TACC2: variants seen among roughly 807,000 people sequenced by gnomAD.
TACC2 encodes transforming acidic coiled-coil containing protein 2.
TACC2 carries 137 observed loss-of-function variants against 227.3 expected under a neutral mutation model. The ratio of observed to expected loss-of-function variants is 0.60; its 90% confidence interval spans 0.52 to 0.69. TACC2 has a LOEUF of 0.69. TACC2 is among the 30% of genes least tolerant of loss of function. TACC2 has a pLI of 0.00. For synonymous variants in TACC2, 1,523 were observed against 1,487.5 expected (o/e 1.02, Z -0.55); for missense variants, 3,470 against 3,694.4 (o/e 0.94, Z 1.57).
chr10:122,132,032 A>AAAAGAAAG (rs1555058736), intron 5 of TACC2, among the ~76,000 whole-genome samples: 2 of 30,310 alleles, frequency 6.6e-5, no homozygotes, highest in African/African-American at 1.7e-4. Flanking sequence ...AAAAGAAAGA[A>AAAAGAAAG]AAAGAAAGAA....
In TACC2 at chr10:122,050,586, A is replaced by T; in HGVS notation, c.146+36A>T. ...AGCTCTGGAGGACTGATGCAGCCCAAGGACTGCCCCGCTCATTGCCTGCTC... is the reference window on the plus strand; with the variant it reads ...AGCTCTGGAGGACTGATGCAGCCCATGGACTGCCCCGCTCATTGCCTGCTC... On this transcript the variant is annotated intron_variant, in intron 3 of 22. Transcript: ENST00000369005. The surrounding 1 kb of genome is among the most constrained non-coding windows in gnomAD (Gnocchi z 4.6). 2 of 1,522,006 alleles carry T rather than the reference A, an allele frequency of 1.3e-6. No individual in the cohort carries two copies. Among genetic ancestry groups the T allele is most frequent in the Non-Finnish European group, 1.8e-6 (2 of 1,098,432 alleles). 94.3% of individuals were successfully genotyped at this position (1,522,006 alleles called of 1,614,324 possible).
At chr10:122,206,348 A>C (rs534477546) in intron 8 of TACC2, among the ~76,000 whole-genome samples, 5 of 152,272 alleles carry the variant, frequency 3.3e-5, no homozygotes, top group African/African-American at 1.2e-4. Context: ...GTGGCCTCCA[A>C]TGTTTGTATG....
intron 15 of TACC2, among the ~76,000 whole-genome samples, chr10:122,230,127 A>G (rs938331743): frequency 6.6e-6 from 1 of 152,250 alleles, no homozygotes; most frequent in Non-Finnish European, 1.5e-5. Context: ...ATTCAACTGC[A>G]CAATACTTCC....
rs555980870 is a variant in TACC2, at chr10:122,141,197, A to G, written c.5700-2375A>G. 2.8e-4 allele frequency among the ~76,000 whole-genome samples: 43 copies of G among 152,136 alleles called. No individual in the cohort carries two copies. In the South Asian group the frequency reaches 3.7e-3, roughly 13 times the overall value. ...AGGAGGAGGAGGGTCAGGAGGGAAG[A>G]GGAGAAGTTCTGTTGGGCCCAGGAG... On this transcript the variant is annotated intron_variant, in intron 6 of 22. Transcript: ENST00000369005. This position sits in a 1 kb window ranked among gnomAD's most constrained non-coding sequence, Gnocchi z 4.3.
intron 7 of TACC2, among the ~76,000 whole-genome samples, chr10:122,178,619 C>T (rs951705901): frequency 6.6e-6 from 1 of 152,144 alleles, no homozygotes; most frequent in Non-Finnish European, 1.5e-5. Context: ...CGCAGTGGCT[C>T]ACGCCTGTAA....
intron 1 of TACC2, among the ~76,000 whole-genome samples, chr10:122,008,246 G>GTTATTATTATTATTATTATTA (rs1554958021): frequency 8.0e-5 from 9 of 111,846 alleles, no homozygotes; most frequent in African/African-American, 2.9e-4. Flanking sequence ...CTATCCCTTT[G>GTTATTATTATTATTATTATTA]TTATTATTAT....
Position 122,193,287 on chromosome 10 carries a change from T to C in TACC2, c.5835-1753T>C, listed in dbSNP as rs944790557. Reference sequence around the variant, plus strand: ...CAAGGGTGCTGATGAAGTAAGTCACTGACAAACTAGTTGTAAAAGCATTGA... The same window carrying C: ...CAAGGGTGCTGATGAAGTAAGTCACCGACAAACTAGTTGTAAAAGCATTGA... On this transcript the variant is annotated intron_variant, in intron 7 of 22. Coordinates refer to ENST00000369005, the MANE Select transcript of TACC2 (RefSeq NM_206862.4). 1.1e-4 allele frequency among the ~76,000 whole-genome samples: 17 copies of C among 152,334 alleles called. 1 individual carries two copies. Among genetic ancestry groups the C allele is most frequent in the Admixed American group, 9.8e-4 (15 of 15,304 alleles).
At chr10:122,154,409 ATAGTT>A (rs1317251655) in intron 7 of TACC2, among the ~76,000 whole-genome samples, 2 of 152,238 alleles carry the variant, frequency 1.3e-5, no homozygotes, top group Non-Finnish European at 2.9e-5. Flanking sequence ...TCCTGGAGTA[ATAGTT>A]TAAAGATACG....
intron 7 of TACC2, among the ~76,000 whole-genome samples, chr10:122,190,485 T>G (rs2094371591): frequency 6.6e-6 from 1 of 152,160 alleles, no homozygotes; most frequent in Non-Finnish European, 1.5e-5. Flanking sequence ...GGGTCCTGTT[T>G]TCGTGGCCAG....
chr10:122,055,659 G>T lies in TACC2; in HGVS notation c.146+5109G>T, dbSNP rs115343644. Among the ~76,000 whole-genome samples, 1,336 of 152,278 alleles carry T rather than the reference G, an allele frequency of 8.8e-3. 15 individuals are homozygous for T. Among genetic ancestry groups the T allele is most frequent in the African/African-American group, 0.031 (1,270 of 41,572 alleles). On this transcript the variant is annotated intron_variant, in intron 3 of 22. Transcript: ENST00000369005. ...AATAATCTGTACAACACACCCCCAT[G>T]ACACGAGTTCACCTGTGTAACAAAC...
chr10:122,082,017 A>G (rs2079568997), intron 3 of TACC2, among the ~76,000 whole-genome samples: 1 of 152,206 alleles, frequency 6.6e-6, no homozygotes, highest in Admixed American at 6.5e-5. Flanking sequence ...ATTTACTCTT[A>G]TTAACAACTT....
chr10:122,020,344 A>G (rs1419807160), intron 1 of TACC2, among the ~76,000 whole-genome samples: 1 of 151,778 alleles, frequency 6.6e-6, no homozygotes, highest in African/African-American at 2.4e-5. Flanking sequence ...GTGTGTCTAC[A>G]GCAAAAGGCA....
In TACC2 at chr10:122,238,494, C is replaced by A. The variant is rs2095907045; in HGVS notation, c.8348+457C>A. Among the ~76,000 whole-genome samples, 3 of 152,216 alleles carry A rather than the reference C, an allele frequency of 2.0e-5. No individual in the cohort carries two copies. In the South Asian group the frequency reaches 6.2e-4, roughly 32 times the overall value. ...CAGAGTTTCGCTCTTGTTGCCCAGG[C>A]TGGAGTGCAGTGGCGCCACCTCGGC... On this transcript the variant is annotated intron_variant, in intron 18 of 22. Coordinates refer to ENST00000369005, the MANE Select transcript of TACC2 (RefSeq NM_206862.4).
At chr10:122,061,865 G>A (rs1454198337) in intron 3 of TACC2, among the ~76,000 whole-genome samples, 2 of 152,042 alleles carry the variant, frequency 1.3e-5, no homozygotes, top group African/African-American at 2.4e-5. Flanking sequence ...GAGGTCTCCA[G>A]GGGAGGTTTC....
chr10:122,062,025 C>CTTTTTT (rs140523380), intron 3 of TACC2, among the ~76,000 whole-genome samples: 6 of 63,994 alleles, frequency 9.4e-5, no homozygotes, highest in Admixed American at 2.6e-4. Context: ...GTCAGAGCGG[C>CTTTTTT]TTTTTTTTTT....
chr10:122,106,134 T>C (rs10736309), intron 5 of TACC2, among the ~76,000 whole-genome samples: 136,296 of 151,548 alleles, frequency 0.9, 62,766 homozygotes, highest in East Asian at 1. Flanking sequence ...TTTACAGGCG[T>C]CCACCACCAT....
chr10:122,216,544 A>G (rs1309639514), intron 10 of TACC2, 83 bp from the exon 11 acceptor site: 11 of 1,421,770 alleles, frequency 7.7e-6, no homozygotes, highest in Non-Finnish European at 9.7e-6. Context: ...TGTCCTGGCT[A>G]ATGGGTCCCC....
chr10:122,224,591 C>T lies in TACC2; in HGVS notation c.7547-135C>T, dbSNP rs1178133913. 2.8e-5 allele frequency: 20 copies of T among 726,188 alleles called. No individual in the cohort carries two copies. In the East Asian group the frequency reaches 4.7e-4, roughly 17 times the overall value. 45.0% of individuals were successfully genotyped at this position (726,188 alleles called of 1,614,324 possible). ...TCAGGCTATATGAGAAGTCTCTAGA[C>T]AGTGGGCACCGTCAGAAAGCCCAGA... On this transcript the variant is annotated intron_variant, in intron 11 of 22. Transcript: ENST00000369005.
At chr10:122,177,964 A>G (rs1381121386) in intron 7 of TACC2, among the ~76,000 whole-genome samples, 1 of 152,212 alleles carries the variant, frequency 6.6e-6, no homozygotes, top group Admixed American at 6.5e-5. Context: ...GATGGACAAC[A>G]TTTAATATAC....
Sources: gnomAD v4.1 joint callset for allele counts (sites outside exome capture counted in the v4.1 genomes callset) on GRCh38, gnomAD v4.1.1 for gene constraint, Gnocchi (gnomAD v3.1) non-coding constraint, MANE v1.5 for transcripts, NCBI Gene and HGNC (gene_info 2026-07-23, HGNC 2026-07-21) for gene names.